Variants in SYNE1 observed in about 807,000 individuals in gnomAD.
SYNE1 encodes the protein nesprin-1.
Under a neutral mutation model 1,111.0 loss-of-function variants are expected in SYNE1, and 616 were observed. The observed-to-expected ratio is 0.55, with a 90% CI of 0.52 to 0.59. SYNE1 has a LOEUF of 0.59. SYNE1 is among the 20% of genes least tolerant of loss of function. The pLI is 0.00. For missense variants in SYNE1, 10,006 were observed against 10,417.0 expected, an observed-to-expected ratio of 0.96 and a Z score of 1.72; for synonymous variants, 3,855 against 3,825.8, an observed-to-expected ratio of 1.01 and a Z score of -0.28.
At chr6:152,301,388 A>T (rs947952188) in intron 92 of SYNE1, among the ~76,000 whole-genome samples, 1 of 152,240 alleles carries the variant, frequency 6.6e-6, no homozygotes, top group Non-Finnish European at 1.5e-5. Flanking sequence ...GCCAAGCTTT[A>T]GACGGTCTGT....
intron 76 of SYNE1, among the ~76,000 whole-genome samples, chr6:152,334,572 A>T (rs893512085): frequency 6.6e-6 from 1 of 152,248 alleles, no homozygotes; most frequent in Non-Finnish European, 1.5e-5. Context: ...TCATTAATGA[A>T]AAAAGTCATT....
chr6:152,248,133 C>T (rs2087975825), intron 105 of SYNE1, among the ~76,000 whole-genome samples: 1 of 152,094 alleles, frequency 6.6e-6, no homozygotes. Context: ...CTCCTGTTTC[C>T]TGACCCTGGT....
At chr6:152,393,951 T>C (rs1035509511) in intron 51 of SYNE1, among the ~76,000 whole-genome samples, 2 of 152,200 alleles carry the variant, frequency 1.3e-5, no homozygotes, top group African/African-American at 4.8e-5. Flanking sequence ...ACATTAGGTA[T>C]TTCTCTTAAT....
chr6:152,445,451 G>A (rs754944124), intron 29 of SYNE1, among the ~76,000 whole-genome samples: 31 of 151,426 alleles, frequency 2.0e-4, no homozygotes, highest in Non-Finnish European at 3.8e-4. Flanking sequence ...CTTTGTTTTC[G>A]AAGCCTATCC....
Position 152,449,517 on chromosome 6 carries a change from A to G in SYNE1, c.3504+16T>C. ...ATGAGAAATTTTCCTCTAGCAAATAATGACCCTGAACTTACTTCAACGGCA... is the reference window on the plus strand; with the variant it reads ...ATGAGAAATTTTCCTCTAGCAAATAGTGACCCTGAACTTACTTCAACGGCA... On this transcript the variant is annotated intron_variant, in intron 28 of 145. Transcript: ENST00000367255. 1 of 1,592,576 alleles carries G rather than the reference A, an allele frequency of 6.3e-7. No homozygotes were observed. Among genetic ancestry groups the G allele is most frequent in the South Asian group, 1.1e-5 (1 of 90,584 alleles).
intron 3 of SYNE1, among the ~76,000 whole-genome samples, chr6:152,610,726 G>T (rs1318748355): frequency 6.6e-6 from 1 of 152,138 alleles, no homozygotes; most frequent in African/African-American, 2.4e-5. Flanking sequence ...AAGGAAAAAT[G>T]GTAAGGGCAG....
At chr6:152,420,158 A>T (rs1457445767) in intron 39 of SYNE1, among the ~76,000 whole-genome samples, 3 of 152,220 alleles carry the variant, frequency 2.0e-5, no homozygotes, top group African/African-American at 7.2e-5. Context: ...GACTTTTGTC[A>T]TCCATAGACA....
At chr6:152,427,575 G>T in intron 38 of SYNE1, 118 bp downstream of exon 38, 1 of 1,256,302 alleles carries the variant, frequency 8.0e-7, no homozygotes, top group Non-Finnish European at 1.1e-6. Context: ...GATGCTTCAG[G>T]AATCACAAAA....
At chr6:152,577,629 T>G (rs2099503296) in intron 3 of SYNE1, among the ~76,000 whole-genome samples, 1 of 152,068 alleles carries the variant, frequency 6.6e-6, no homozygotes, top group Non-Finnish European at 1.5e-5. Context: ...CGAGACTCCA[T>G]CTCAACGACA....
intron 58 of SYNE1, chr6:152,376,094 T>C (rs1453522273): frequency 5.6e-6 from 2 of 355,592 alleles, no homozygotes; most frequent in Non-Finnish European, 1.1e-5. Context: ...TCATCAGGCA[T>C]TAGTTAGATT....
intron 3 of SYNE1, among the ~76,000 whole-genome samples, chr6:152,628,044 C>CAAAAAAAAAA (rs66815986): frequency 6.8e-5 from 7 of 103,338 alleles, no homozygotes; most frequent in South Asian, 3.4e-4. Flanking sequence ...CACAAAATTA[C>CAAAAAAAAAA]AAAAAAAAAA....
Position 152,144,010 on chromosome 6 carries a change from G to A in SYNE1, c.24977-245C>T, listed in dbSNP as rs914749935. On this transcript the variant is annotated intron_variant, in intron 137 of 145. Coordinates refer to ENST00000367255, the MANE Select transcript of SYNE1 (RefSeq NM_182961.4). ...ACGTCGCAAAACGGCTCTCCAGTCC[G>A]TTTTGAACAGCTTCGTGCACCTGAC... 6 of 524,408 alleles carry A rather than the reference G, an allele frequency of 1.1e-5. 1 individual carries two copies. Among genetic ancestry groups the A allele is most frequent in the East Asian group, 7.4e-5 (2 of 27,186 alleles). The allele number at this position is 524,408 out of a possible 1,614,324, so 32.5% of individuals were successfully genotyped here. A position where few individuals can be genotyped will look rare whatever the true frequency, so the allele number is the denominator to read the frequency against.
chr6:152,359,262 A>G, intron 65 of SYNE1, 53 bp downstream of exon 65: 1 of 1,609,448 alleles, frequency 6.2e-7, no homozygotes. Context: ...AAAGGAGCAC[A>G]GCTCCAAACA....
At chr6:152,333,908 C>T in intron 77 of SYNE1, 100 bp downstream of exon 77, 1 of 1,519,984 alleles carries the variant, frequency 6.6e-7, no homozygotes, top group Non-Finnish European at 9.1e-7. Flanking sequence ...GCTGGGATTA[C>T]AGGCATCAGC....
intron 47 of SYNE1, among the ~76,000 whole-genome samples, chr6:152,400,388 G>A (rs1450323158): frequency 6.6e-6 from 1 of 152,156 alleles, no homozygotes; most frequent in African/African-American, 2.4e-5. Context: ...AATGGGCCAG[G>A]TGTGGTGGCT....
intron 58 of SYNE1, among the ~76,000 whole-genome samples, chr6:152,374,922 ATTATTTTATT>A (rs140950913): frequency 3.4e-4 from 51 of 149,776 alleles, no homozygotes; most frequent in Admixed American, 7.9e-4. Flanking sequence ...TTTTTAGTTT[ATTATTTTATT>A]TTATTTTATT....
intron 25 of SYNE1, among the ~76,000 whole-genome samples, chr6:152,451,979 G>C (rs1206476995): frequency 6.6e-6 from 1 of 150,594 alleles, no homozygotes; most frequent in Non-Finnish European, 1.5e-5. Flanking sequence ...CATGAGGAAA[G>C]CTTATTACTG....
chr6:152,595,042 C>G (rs1410511396), intron 3 of SYNE1, among the ~76,000 whole-genome samples: 1 of 152,158 alleles, frequency 6.6e-6, no homozygotes, highest in Non-Finnish European at 1.5e-5. Context: ...CCCAGCCATC[C>G]TCTTCTCCTG....
At chr6:152,620,719 A>G (rs1009479721) in intron 3 of SYNE1, among the ~76,000 whole-genome samples, 10 of 152,168 alleles carry the variant, frequency 6.6e-5, no homozygotes, top group Non-Finnish European at 1.2e-4. Context: ...ACTTGTCAAA[A>G]ATAACCTCTA....
Sources: allele counts gnomAD v4.1 joint callset (sites outside exome capture counted in the v4.1 genomes callset), GRCh38; gene constraint gnomAD v4.1.1; transcripts MANE v1.5; gene names NCBI Gene and HGNC (gene_info 2026-07-23, HGNC 2026-07-21).